Variants in FYB1 observed in about 807,000 individuals in gnomAD.
The protein encoded by FYB1 is FYN binding protein 1, also known as FYN-binding protein 1.
FYB1 carries 41 observed loss-of-function variants against 94.1 expected under a neutral mutation model. The ratio of observed to expected loss-of-function variants is 0.44; its 90% CI spans 0.34 to 0.57. FYB1 has a LOEUF of 0.57. FYB1 is among the 20% of genes least tolerant of loss of function. The pLI is 0.02. For missense variants in FYB1, 1,050 were observed against 976.8 expected (o/e 1.07, Z -1.00); for synonymous variants, 367 against 353.2 (o/e 1.04, Z -0.44).
chr5:39,156,518 T>C (rs1743771910), intron 2 of FYB1, among the ~76,000 whole-genome samples: 1 of 152,194 alleles, frequency 6.6e-6, no homozygotes, highest in Admixed American at 6.5e-5. Context: ...AAAGATAGTT[T>C]GAAAGACATA....
At chr5:39,157,057 C>G (rs558599960) in intron 2 of FYB1, among the ~76,000 whole-genome samples, 1 of 152,050 alleles carries the variant, frequency 6.6e-6, no homozygotes, top group East Asian at 1.9e-4. Flanking sequence ...GTATAACAGC[C>G]CTATGGGGGT....
intron 4 of FYB1, among the ~76,000 whole-genome samples, chr5:39,140,757 G>C (rs949175045): frequency 6.6e-6 from 1 of 152,128 alleles, no homozygotes; most frequent in African/African-American, 2.4e-5. Flanking sequence ...GATATGAATG[G>C]GCCCCAAAAC....
At chr5:39,222,172 C>T (rs1750295751), upstream of FYB1, among the ~76,000 whole-genome samples, 1 of 151,816 alleles carries the variant, frequency 6.6e-6, no homozygotes, top group Admixed American at 6.6e-5. Flanking sequence ...ATATGATCTC[C>T]TTTTGAACTT....
At chr5:39,241,258 C>T (rs1329563729) in intron 1 of FYB1, among the ~76,000 whole-genome samples, 4 of 152,192 alleles carry the variant, frequency 2.6e-5, no homozygotes, top group South Asian at 4.1e-4. Context: ...TACAAAAAAC[C>T]CCTGTGATGC....
chr5:39,259,021 A>C (rs935813691), intron 1 of FYB1, among the ~76,000 whole-genome samples: 2 of 152,100 alleles, frequency 1.3e-5, no homozygotes, highest in Non-Finnish European at 2.9e-5. Context: ...TGTTGCTGAG[A>C]TTGTGTTGGT....
At chr5:39,145,270 G>A (rs1742545555) in intron 3 of FYB1, among the ~76,000 whole-genome samples, 1 of 152,166 alleles carries the variant, frequency 6.6e-6, no homozygotes, top group Non-Finnish European at 1.5e-5. Flanking sequence ...ATTTATGAGA[G>A]TCATTTAAAT....
intron 10 of FYB1, among the ~76,000 whole-genome samples, chr5:39,129,789 T>C (rs1246962284): frequency 6.6e-6 from 1 of 151,848 alleles, no homozygotes; most frequent in Non-Finnish European, 1.5e-5. Context: ...CTGGCAAGGA[T>C]GTGGAAAAAA....
chr5:39,168,669 A>C (rs1185297846), intron 2 of FYB1, among the ~76,000 whole-genome samples: 1 of 152,210 alleles, frequency 6.6e-6, no homozygotes, highest in East Asian at 1.9e-4. Flanking sequence ...TCTTGTCACT[A>C]TATTATAAAA....
At chr5:39,218,827 G>T (rs1355542258) in intron 1 of FYB1, among the ~76,000 whole-genome samples, 2 of 152,186 alleles carry the variant, frequency 1.3e-5, no homozygotes, top group African/African-American at 2.4e-5. Flanking sequence ...AAGGCTCCGA[G>T]GAAAATTTGG....
chr5:39,194,340 G>A (rs1326888284), intron 2 of FYB1, among the ~76,000 whole-genome samples: 1 of 152,066 alleles, frequency 6.6e-6, no homozygotes, highest in Non-Finnish European at 1.5e-5. Context: ...GGACAACAAA[G>A]CAAGACTCTG....
intron 10 of FYB1, among the ~76,000 whole-genome samples, chr5:39,128,443 C>T (rs2150304105): frequency 6.6e-6 from 1 of 152,224 alleles, no homozygotes; most frequent in Admixed American, 6.5e-5. Context: ...AGAACTTTAG[C>T]ACTGCAAGTG....
chr5:39,145,896 C>T (rs980115707), intron 3 of FYB1, among the ~76,000 whole-genome samples: 9 of 147,812 alleles, frequency 6.1e-5, no homozygotes, highest in African/African-American at 2.3e-4. Context: ...GTGGTCCTCC[C>T]ATTCTTTTTT....
intron 3 of FYB1, among the ~76,000 whole-genome samples, chr5:39,144,545 T>C (rs1742474181): frequency 6.6e-6 from 1 of 152,184 alleles, no homozygotes; most frequent in African/African-American, 2.4e-5. Context: ...CTCATGCCTG[T>C]AATCCCAGCA....
chr5:39,177,905 A>G (rs1042368153), intron 2 of FYB1, among the ~76,000 whole-genome samples: 14 of 152,200 alleles, frequency 9.2e-5, no homozygotes, highest in African/African-American at 3.4e-4. Flanking sequence ...CCGCTTCCCC[A>G]TCTCAAGCAA....
Position 39,170,071 on chromosome 5 carries a change from T to C in FYB1, c.1136-16467A>G. ...CTCCACTGGTGTCCTAGATCTTACTTTCACATTTGCAGTGCCAGCTAAGAT... is the reference window on the plus strand; with the variant it reads ...CTCCACTGGTGTCCTAGATCTTACTCTCACATTTGCAGTGCCAGCTAAGAT... On this transcript the variant is annotated intron_variant, in intron 2 of 18. Transcript: ENST00000512982. 7.2e-6 allele frequency: 6 copies of C among 830,460 alleles called. No homozygotes were observed. The South Asian group carries it at 7.9e-5, about 11-fold the overall frequency. The allele number at this position is 830,460 out of a possible 1,614,324, so 51.4% of individuals were successfully genotyped here. A position where few individuals can be genotyped will look rare whatever the true frequency, so the allele number is the denominator to read the frequency against.
Position 39,132,537 on chromosome 5 carries a change from AT to A in FYB1, c.1817+1670del, listed in dbSNP as rs534743375. Among the ~76,000 whole-genome samples the A allele has an allele frequency of 6.6e-5, 10 of 152,232 alleles. No homozygotes were observed. The South Asian group carries it at 2.1e-3, about 32-fold the overall frequency. On this transcript the variant is annotated intron_variant, in intron 9 of 18. Coordinates refer to ENST00000512982, the MANE Select transcript of FYB1 (RefSeq NM_001465.6). ...ACTTCCTGCTTTTACTAAATATAAG[AT>A]TCTTTTTTTGTTATATGTTTACTAA... is the stretch of plus-strand genomic sequence containing the variant.
chr5:39,182,287 A>ATGTGTGTGTGTGTGTGTG (rs57111701), intron 2 of FYB1, among the ~76,000 whole-genome samples: 1 of 140,200 alleles, frequency 7.1e-6, no homozygotes, highest in East Asian at 2.2e-4. Flanking sequence ...GTGTGCATGC[A>ATGTGTGTGTGTGTGTGTG]TGTGTGTGTG....
intron 13 of FYB1, among the ~76,000 whole-genome samples, chr5:39,123,476 T>A (rs1482070540): frequency 6.7e-6 from 1 of 150,082 alleles, no homozygotes; most frequent in Non-Finnish European, 1.5e-5. Context: ...TTTTGAGGAG[T>A]TAATTTTTTT....
At chr5:39,239,803 AAAACTATTTT>A (rs1751125237) in intron 1 of FYB1, among the ~76,000 whole-genome samples, 1 of 152,224 alleles carries the variant, frequency 6.6e-6, no homozygotes, top group Non-Finnish European at 1.5e-5. Flanking sequence ...AGAATTAAGA[AAAACTATTTT>A]AAAATTCACA....
Sources: allele counts gnomAD v4.1 joint callset (sites outside exome capture counted in the v4.1 genomes callset), GRCh38; gene constraint gnomAD v4.1.1; transcripts MANE v1.5; gene names NCBI Gene and HGNC (gene_info 2026-07-23, HGNC 2026-07-21).